The following PTPRD variants were observed in gnomAD, a reference collection of about 807,000 sequenced individuals.
PTPRD encodes the protein receptor-type tyrosine-protein phosphatase delta.
A neutral mutation model predicts 214.5 loss-of-function variants in PTPRD; 34 were observed. The observed-to-expected ratio is 0.16, with a 90% confidence interval of 0.12 to 0.21. The LOEUF (loss-of-function observed/expected upper bound fraction) is 0.21, where lower values mean the gene tolerates loss of function less well. Ranked by LOEUF, PTPRD falls within the 10% of genes least tolerant of loss-of-function variation. The probability of loss-of-function intolerance (pLI) is 1.00; values close to 1 mark genes in which losing one functional copy is unlikely to be tolerated. For missense variants in PTPRD, 2,545 were observed against 2,398.7 expected, an observed-to-expected ratio of 1.06 and a Z score of -1.27; for synonymous variants, 1,128 against 845.7, an observed-to-expected ratio of 1.33 and a Z score of -5.79.
chr9:9,083,341 T>G (rs324470), intron 10 of PTPRD, among the ~76,000 whole-genome samples: 101,865 of 151,964 alleles, frequency 0.67, 34,577 homozygotes, highest in Non-Finnish European at 0.72. Context: ...GGGAAAACTG[T>G]CTAGCTATAT....
chr9:9,487,431 G>A (rs576679251), intron 8 of PTPRD, among the ~76,000 whole-genome samples: 142 of 152,188 alleles, frequency 9.3e-4, no homozygotes, highest in South Asian at 8.5e-3. Flanking sequence ...TGGTGTATAT[G>A]TGCCACATTT....
chr9:10,463,807 C>G (rs1588744313), intron 2 of PTPRD, among the ~76,000 whole-genome samples: 1 of 151,494 alleles, frequency 6.6e-6, no homozygotes, highest in African/African-American at 2.4e-5. Flanking sequence ...TCTGCTTTAC[C>G]CAAGCAAGTT....
chr9:9,353,227 G>A (rs959906771), intron 9 of PTPRD, among the ~76,000 whole-genome samples: 35 of 151,948 alleles, frequency 2.3e-4, no homozygotes, highest in African/African-American at 8.2e-4. Flanking sequence ...ATATTTTAAT[G>A]TCTGTTACCA....
chr9:10,134,889 G>A (rs1445550080), intron 3 of PTPRD, among the ~76,000 whole-genome samples: 6 of 152,038 alleles, frequency 3.9e-5, no homozygotes, highest in Non-Finnish European at 1.5e-5. Flanking sequence ...CACTGAAATG[G>A]CTGAAATGAC....
intron 11 of PTPRD, among the ~76,000 whole-genome samples, chr9:8,825,833 A>C (rs999367247): frequency 3.3e-5 from 5 of 152,112 alleles, no homozygotes; most frequent in Non-Finnish European, 5.9e-5. Flanking sequence ...TGGCATTTGC[A>C]AACTGTCATG....
intron 4 of PTPRD, among the ~76,000 whole-genome samples, chr9:9,954,307 A>C (rs1378554593): frequency 7.5e-5 from 11 of 146,440 alleles, no homozygotes; most frequent in African/African-American, 2.6e-4. Flanking sequence ...CAAAAAAAAA[A>C]AAAAAAAAAA....
intron 9 of PTPRD, among the ~76,000 whole-genome samples, chr9:9,269,180 C>G (rs922923103): frequency 6.6e-6 from 1 of 151,098 alleles, no homozygotes; most frequent in African/African-American, 2.4e-5. Context: ...AGCTAAATAA[C>G]CTTATTTAAA....
intron 11 of PTPRD, among the ~76,000 whole-genome samples, chr9:8,991,288 C>T (rs1448992749): frequency 6.6e-6 from 1 of 151,748 alleles, no homozygotes; most frequent in East Asian, 1.9e-4. Context: ...TGAAAGCTCC[C>T]ATGTCACATA....
chr9:8,738,681 T>A (rs2091119096), intron 11 of PTPRD, among the ~76,000 whole-genome samples: 1 of 152,160 alleles, frequency 6.6e-6, no homozygotes, highest in South Asian at 2.1e-4. Context: ...TTCATAATTT[T>A]AAAAATTTCA....
intron 4 of PTPRD, among the ~76,000 whole-genome samples, chr9:9,944,675 G>A (rs2092284788): frequency 6.6e-6 from 1 of 151,894 alleles, no homozygotes; most frequent in Non-Finnish European, 1.5e-5. Flanking sequence ...TACATAGATT[G>A]CTTAAAAACA....
intron 10 of PTPRD, among the ~76,000 whole-genome samples, chr9:9,155,040 T>C (rs1206938817): frequency 6.6e-6 from 1 of 152,138 alleles, no homozygotes; most frequent in Non-Finnish European, 1.5e-5. Flanking sequence ...AATGCAGAAA[T>C]GCAATAGGGT....
At chr9:9,069,239 T>C (rs533235321) in intron 10 of PTPRD, among the ~76,000 whole-genome samples, 2 of 152,252 alleles carry the variant, frequency 1.3e-5, no homozygotes, top group South Asian at 4.1e-4. Context: ...CCCAAATTAA[T>C]TTTTCCAAAA....
intron 14 of PTPRD, among the ~76,000 whole-genome samples, chr9:8,558,951 A>C (rs909414985): frequency 1.3e-5 from 2 of 152,220 alleles, no homozygotes; most frequent in African/African-American, 4.8e-5. Context: ...AGTAAATACA[A>C]AAACACTCAA....
intron 8 of PTPRD, among the ~76,000 whole-genome samples, chr9:9,571,886 TAA>T (rs1053524250): frequency 2.0e-5 from 3 of 151,254 alleles, no homozygotes; most frequent in African/African-American, 7.2e-5. Flanking sequence ...CTATTTATCT[TAA>T]ATGCACAAGG....
intron 3 of PTPRD, among the ~76,000 whole-genome samples, chr9:10,052,912 A>G (rs2097559807): frequency 6.6e-6 from 1 of 152,180 alleles, no homozygotes; most frequent in Non-Finnish European, 1.5e-5. Context: ...ATTAAATATC[A>G]GGAACTCACT....
At chr9:8,485,156 A>C (rs991313116) in intron 29 of PTPRD, 71 bp downstream of exon 29, 2 of 1,344,504 alleles carry the variant, frequency 1.5e-6, no homozygotes, top group African/African-American at 2.9e-5. Context: ...TTGCTGTGCA[A>C]ATAACTTACC....
At chr9:9,186,837 C>A (rs183117653) in intron 9 of PTPRD, among the ~76,000 whole-genome samples, 4 of 152,046 alleles carry the variant, frequency 2.6e-5, no homozygotes, top group Admixed American at 1.3e-4. Context: ...AGAGCATAAT[C>A]TTCTATTTTC....
intron 11 of PTPRD, among the ~76,000 whole-genome samples, chr9:8,961,593 T>C (rs1283029659): frequency 6.6e-6 from 1 of 152,066 alleles, no homozygotes; most frequent in Non-Finnish European, 1.5e-5. Context: ...TGCATCAAGG[T>C]TGAGGACATT....
At chr9:9,998,466 T>C (rs967973948) in intron 4 of PTPRD, among the ~76,000 whole-genome samples, 6 of 151,898 alleles carry the variant, frequency 4.0e-5, no homozygotes, top group African/African-American at 1.5e-4. Flanking sequence ...AGCATGACCT[T>C]AAGGGGCATC....
Sources: allele counts gnomAD v4.1 joint callset (sites outside exome capture counted in the v4.1 genomes callset), GRCh38; gene constraint gnomAD v4.1.1; transcripts MANE v1.5; gene names NCBI Gene and HGNC (gene_info 2026-07-23, HGNC 2026-07-21).